The following SOX5 variants were observed in gnomAD, a reference collection of about 807,000 sequenced individuals.
The protein encoded by SOX5 is transcription factor SOX-5.
SOX5 carries 9 observed loss-of-function variants against 92.0 expected under a neutral mutation model. That is an observed-to-expected ratio of 0.10 (90% CI 0.06 to 0.17). The LOEUF (loss-of-function observed/expected upper bound fraction) is 0.17. Ranked by LOEUF, SOX5 falls within the 10% of genes least tolerant of loss-of-function variation. The probability of loss-of-function intolerance (pLI) is 1.00; values close to 1 mark genes in which losing one functional copy is unlikely to be tolerated. For synonymous variants in SOX5, 344 were observed against 336.3 expected, an observed-to-expected ratio of 1.02 and a Z score of -0.25; for missense variants, 642 against 944.5, an observed-to-expected ratio of 0.68 and a Z score of 4.20.
intron 13 of SOX5, among the ~76,000 whole-genome samples, chr12:23,540,126 C>T (rs925978716): frequency 6.7e-6 from 1 of 150,358 alleles, no homozygotes. Context: ...AAAATATCTA[C>T]TTGATTTGGG....
At chr12:24,074,677 A>G (rs1942296491) in intron 4 of SOX5, among the ~76,000 whole-genome samples, 1 of 141,856 alleles carries the variant, frequency 7.0e-6, no homozygotes, top group Admixed American at 7.2e-5. Flanking sequence ...TTTAAGTCTT[A>G]ATTTTTTCAC....
chr12:23,663,963 G>T lies in SOX5; in HGVS notation c.931+1481C>A, dbSNP rs918372951. On this transcript the variant is annotated intron_variant, in intron 7 of 14. Transcript: ENST00000451604. ...AGTGAGAATTCCATTTAAAACGCAG[G>T]ACACCAAAGTAAAGGGAAAGATTTG... is the stretch of plus-strand genomic sequence containing the variant. Among the ~76,000 whole-genome samples, 4 of 152,014 alleles carry T rather than the reference G, an allele frequency of 2.6e-5. No individual in the cohort carries two copies. In the South Asian group the frequency reaches 8.3e-4, roughly 32 times the overall value.
intron 3 of SOX5, among the ~76,000 whole-genome samples, chr12:23,812,485 A>G (rs2095893801): frequency 6.6e-6 from 1 of 151,700 alleles, no homozygotes; most frequent in African/African-American, 2.4e-5. Context: ...TTTTTTCCGG[A>G]AAGAAACATT....
intron 1 of SOX5, among the ~76,000 whole-genome samples, chr12:24,369,040 GGTAACT>G (rs936005257): frequency 6.6e-6 from 1 of 151,472 alleles, no homozygotes; most frequent in Non-Finnish European, 1.5e-5. Flanking sequence ...GTAAAGTAAG[GGTAACT>G]GTAGTGTCTT....
chr12:24,282,092 C>T (rs1032983673), intron 2 of SOX5, among the ~76,000 whole-genome samples: 1 of 152,138 alleles, frequency 6.6e-6, no homozygotes, highest in Non-Finnish European at 1.5e-5. Context: ...ATCTCAATTC[C>T]GTAGTACTTT....
chr12:23,848,681 A>G (rs911599354), intron 2 of SOX5, among the ~76,000 whole-genome samples: 1 of 152,176 alleles, frequency 6.6e-6, no homozygotes, highest in African/African-American at 2.4e-5. Context: ...TAATGATTCC[A>G]TGTGTCACTT....
intron 3 of SOX5, among the ~76,000 whole-genome samples, chr12:23,812,252 T>G (rs910815969): frequency 8.6e-5 from 13 of 151,998 alleles, no homozygotes; most frequent in African/African-American, 3.1e-4. Context: ...TATATTACTG[T>G]TTTTTTAATC....
chr12:24,494,203 C>T (rs1947381244), intron 1 of SOX5, among the ~76,000 whole-genome samples: 1 of 152,136 alleles, frequency 6.6e-6, no homozygotes, highest in Non-Finnish European at 1.5e-5. Context: ...TTTCGTTCCC[C>T]CTACAGCAGA....
intron 10 of SOX5, among the ~76,000 whole-genome samples, chr12:23,573,594 G>T (rs1247347459): frequency 1.3e-5 from 2 of 152,164 alleles, no homozygotes; most frequent in Admixed American, 1.3e-4. Flanking sequence ...TCTAAAAAAA[G>T]TGTAGTTGTT....
chr12:24,477,815 A>G (rs763832318), intron 1 of SOX5, among the ~76,000 whole-genome samples: 1 of 152,026 alleles, frequency 6.6e-6, no homozygotes, highest in Admixed American at 6.6e-5. Flanking sequence ...ATATTTACCT[A>G]TAGTTAGATA....
chr12:23,577,785 G>A (rs931538172), intron 9 of SOX5, among the ~76,000 whole-genome samples: 1 of 151,960 alleles, frequency 6.6e-6, no homozygotes, highest in Non-Finnish European at 1.5e-5. Flanking sequence ...CATCACTGAT[G>A]CAACATTTAA....
At chr12:24,003,178 G>A (rs987289528) in intron 4 of SOX5, among the ~76,000 whole-genome samples, 2 of 152,040 alleles carry the variant, frequency 1.3e-5, no homozygotes, top group African/African-American at 4.8e-5. Context: ...AAGAACATCT[G>A]TAAAATGAAA....
chr12:23,918,166 T>C lies in SOX5; in HGVS notation c.39-22142A>G, dbSNP rs139215156. Among the ~76,000 whole-genome samples the C allele has an allele frequency of 5.9e-5, 9 of 152,344 alleles. No individual in the cohort carries two copies. In the East Asian group the frequency reaches 1.7e-3, roughly 29 times the overall value. On this transcript the variant is annotated intron_variant, in intron 1 of 14. Coordinates refer to ENST00000451604, the MANE Select transcript of SOX5 (RefSeq NM_006940.6). ...TATGTAGACAGATACATGAGAATATTATATGCATGTTTTATGCCTACTAAC... is the reference window on the plus strand; with the variant it reads ...TATGTAGACAGATACATGAGAATATCATATGCATGTTTTATGCCTACTAAC...
At chr12:24,530,622 C>T (rs1455316289) in intron 1 of SOX5, among the ~76,000 whole-genome samples, 1 of 150,808 alleles carries the variant, frequency 6.6e-6, no homozygotes, top group Non-Finnish European at 1.5e-5. Flanking sequence ...CACTGCACTT[C>T]AGCCTGGGCA....
intron 1 of SOX5, among the ~76,000 whole-genome samples, chr12:23,930,195 A>G (rs1941080795): frequency 6.6e-6 from 1 of 151,894 alleles, no homozygotes; most frequent in Admixed American, 6.6e-5. Context: ...GGTAAAGCAG[A>G]CTTTGTTCCA....
At chr12:24,003,267 C>T (rs1267158785) in intron 4 of SOX5, among the ~76,000 whole-genome samples, 2 of 152,024 alleles carry the variant, frequency 1.3e-5, no homozygotes, top group Non-Finnish European at 2.9e-5. Context: ...TGTTTGCTCG[C>T]ATGATTTCCA....
chr12:24,276,580 T>C (rs1220693968), intron 3 of SOX5, among the ~76,000 whole-genome samples: 1 of 152,164 alleles, frequency 6.6e-6, no homozygotes, highest in East Asian at 1.9e-4. Context: ...GACTAGTCAA[T>C]CAATAAATTA....
At chr12:24,515,374 C>T (rs1439525105) in intron 1 of SOX5, among the ~76,000 whole-genome samples, 1 of 152,160 alleles carries the variant, frequency 6.6e-6, no homozygotes, top group Non-Finnish European at 1.5e-5. Flanking sequence ...CATACAGTGA[C>T]ACTAATTATA....
rs1483534431 is a variant in SOX5 at position 24,506,416 on chromosome 12, A to AG, written c.-251+55912_-251+55913insC. On this transcript the variant is annotated intron_variant, in intron 1 of 4. Transcript: ENST00000446891. ...AGGCACATAAATTTACAAAAAAAAA[A>AG]AAAGAGAGAGAGAGATGCAATAATG... 6.1e-3 allele frequency among the ~76,000 whole-genome samples: 480 copies of AG among 78,916 alleles called. 5 individuals are homozygous for AG. The highest frequency in any genetic ancestry group is 0.024 in the African/African-American group (459 of 18,888). The allele number at this position is 78,916 out of a possible 152,430, so 51.8% of individuals were successfully genotyped here.
Sources: allele counts gnomAD v4.1 joint callset (sites outside exome capture counted in the v4.1 genomes callset), GRCh38; gene constraint gnomAD v4.1.1; transcripts MANE v1.5; gene names NCBI Gene and HGNC (gene_info 2026-07-23, HGNC 2026-07-21).